Variants in COL4A6 observed in about 807,000 individuals in gnomAD.
The protein encoded by COL4A6 is collagen type IV alpha 6 chain.
A neutral mutation model predicts 126.7 loss-of-function variants in COL4A6; 59 were observed. The observed-to-expected ratio is 0.47, with a 90% CI of 0.38 to 0.58. The LOEUF (loss-of-function observed/expected upper bound fraction) is 0.58. COL4A6 is among the 20% of genes least tolerant of loss of function. The pLI is 0.00. For missense variants in COL4A6, 1,285 were observed against 1,337.3 expected, an observed-to-expected ratio of 0.96 and a Z score of 0.61; for synonymous variants, 547 against 496.6, an observed-to-expected ratio of 1.10 and a Z score of -1.35.
At chrX:108,359,365 GTTTTT>G (rs2040030590) in intron 2 of COL4A6, among the ~76,000 whole-genome samples, 7 of 112,607 alleles carry the variant, frequency 6.2e-5, no homozygotes, top group Middle Eastern at 4.2e-3. Flanking sequence ...CAAAGTCCTT[GTTTTT>G]AATCATTCTG....
rs183476493 is a variant in COL4A6, at chrX:108,257,869, C to T, written c.145-36495G>A. The stretch of plus-strand genomic sequence containing the variant: ...TTGAATGATTTGAGGTTAAGAGTAA[C>T]GCGTGGGTAATGAGGTAAAGAAGGA... On this transcript the variant is annotated intron_variant, in intron 3 of 44. Transcript: ENST00000334504. Among the ~76,000 whole-genome samples the T allele has an allele frequency of 2.1e-4, 23 of 111,372 alleles. No homozygotes were observed. In the East Asian group the frequency reaches 3.1e-3, roughly 15 times the overall value.
At chrX:108,188,929 C>T (rs2034955338) in intron 20 of COL4A6, among the ~76,000 whole-genome samples, 1 of 111,893 alleles carries the variant, frequency 8.9e-6, no homozygotes, top group Non-Finnish European at 1.9e-5. Context: ...AACCACTGAC[C>T]TCTACTAACC....
intron 23 of COL4A6, among the ~76,000 whole-genome samples, chrX:108,183,013 C>T (rs1455082701): frequency 8.9e-6 from 1 of 112,155 alleles, no homozygotes; most frequent in Non-Finnish European, 1.9e-5. Flanking sequence ...AGGAAATCAA[C>T]GACATATTTC....
intron 3 of COL4A6, among the ~76,000 whole-genome samples, chrX:108,236,472 T>C (rs751683236): frequency 3.6e-5 from 4 of 111,801 alleles, no homozygotes; most frequent in Non-Finnish European, 7.5e-5. Flanking sequence ...CAGTGAGCAC[T>C]GCCAGGTAGC....
At chrX:108,260,084 G>A (rs1167346747) in intron 3 of COL4A6, among the ~76,000 whole-genome samples, 1 of 109,605 alleles carries the variant, frequency 9.1e-6, no homozygotes, top group African/African-American at 3.3e-5. Flanking sequence ...GATAAGAAAT[G>A]CTTATAATTA....
At chrX:108,411,881 A>G (rs2041338072) in intron 2 of COL4A6, among the ~76,000 whole-genome samples, 1 of 110,777 alleles carries the variant, frequency 9.0e-6, no homozygotes, top group Non-Finnish European at 1.9e-5. Context: ...TGCTGTTTGA[A>G]GGGAGGGGTT....
rs1025335610 is a variant in COL4A6 at position 108,425,550 on chromosome X, A to C, written c.63+12392T>G. Among the ~76,000 whole-genome samples, 3 of 109,896 alleles carry C rather than the reference A, an allele frequency of 2.7e-5. No individual in the cohort carries two copies. The Admixed American group carries it at 2.9e-4, about 11-fold the overall frequency. The stretch of plus-strand genomic sequence containing the variant: ...GAGATCGAGACCATCCTGGCTAACA[A>C]GGTGAAACCCTGTCTCTACTAAAAA... On this transcript the variant is annotated intron_variant, in intron 2 of 44. Transcript: ENST00000334504.
intron 3 of COL4A6, among the ~76,000 whole-genome samples, chrX:108,279,782 T>G (rs1012704039): frequency 9.0e-6 from 1 of 111,701 alleles, no homozygotes; most frequent in African/African-American, 3.3e-5. Flanking sequence ...TCAGAAATTA[T>G]AACAAACTAT....
rs768893279 is a variant in COL4A6 at position 108,424,956 on chromosome X, G to A, written c.63+12986C>T. 1.3e-4 allele frequency among the ~76,000 whole-genome samples: 14 copies of A among 110,953 alleles called. No individual in the cohort carries two copies. The East Asian group carries it at 3.1e-3, about 25-fold the overall frequency. On this transcript the variant is annotated intron_variant, in intron 2 of 44. Coordinates refer to ENST00000334504, the MANE Select transcript of COL4A6 (RefSeq NM_033641.4). ...GAGCTGGGGAGGTTGAGGTTACAAT[G>A]AGTGGTGATCACACCACTGCACTCC... is the stretch of plus-strand genomic sequence containing the variant.
chrX:108,328,507 A>G (rs1039228101), intron 2 of COL4A6, among the ~76,000 whole-genome samples: 1 of 111,501 alleles, frequency 9.0e-6, no homozygotes, highest in Admixed American at 9.6e-5. Context: ...ACCAGCACCA[A>G]CCAATACCAA....
intron 16 of COL4A6, 81 bp from the exon 17 acceptor site, chrX:108,193,778 T>G (rs2035130675): frequency 2.4e-6 from 2 of 821,263 alleles, no homozygotes; most frequent in Non-Finnish European, 3.6e-6. Flanking sequence ...AGCCCATCCC[T>G]AGGAAAATGA....
intron 2 of COL4A6, among the ~76,000 whole-genome samples, chrX:108,407,438 A>AGGTAATTAGG (rs2041228702): frequency 8.9e-6 from 1 of 112,562 alleles, no homozygotes; most frequent in Non-Finnish European, 1.9e-5. Flanking sequence ...TTAAATGGAA[A>AGGTAATTAGG]GGTAATTAGG....
At chrX:108,395,869 G>A (rs2040952256) in intron 2 of COL4A6, among the ~76,000 whole-genome samples, 1 of 111,420 alleles carries the variant, frequency 9.0e-6, no homozygotes, top group Non-Finnish European at 1.9e-5. Flanking sequence ...GTTTTATGAC[G>A]AATCAGAACA....
At chrX:108,342,769 A>G (rs1254480884) in intron 2 of COL4A6, among the ~76,000 whole-genome samples, 1 of 111,366 alleles carries the variant, frequency 9.0e-6, no homozygotes, top group Non-Finnish European at 1.9e-5. Flanking sequence ...TATTTATTGA[A>G]TGAAACTTTG....
At chrX:108,238,110 G>GT (rs199841736) in intron 3 of COL4A6, among the ~76,000 whole-genome samples, 16 of 100,727 alleles carry the variant, frequency 1.6e-4, no homozygotes, top group Admixed American at 6.5e-4. Context: ...GTGTGTGTGT[G>GT]TGTTTTTTTT....
intron 17 of COL4A6, among the ~76,000 whole-genome samples, chrX:108,193,087 C>T (rs772893446): frequency 1.8e-5 from 2 of 111,822 alleles, no homozygotes; most frequent in South Asian, 3.8e-4. Context: ...AGATACTGGG[C>T]ATCTCAGTCT....
chrX:108,345,597 G>A (rs910903985), intron 2 of COL4A6, among the ~76,000 whole-genome samples: 45 of 111,347 alleles, frequency 4.0e-4, no homozygotes, highest in African/African-American at 4.2e-4. Flanking sequence ...TGCAAATTAC[G>A]CGCATTTAAT....
chrX:108,208,545 C>A (rs1033622076), intron 8 of COL4A6, among the ~76,000 whole-genome samples: 1 of 112,175 alleles, frequency 8.9e-6, no homozygotes, highest in African/African-American at 3.2e-5. Flanking sequence ...TGGAAAGTTA[C>A]TAAATATTTG....
At chrX:108,353,818 T>C (rs1042384435) in intron 2 of COL4A6, among the ~76,000 whole-genome samples, 6 of 112,327 alleles carry the variant, frequency 5.3e-5, no homozygotes, top group African/African-American at 1.6e-4. Context: ...AGGGTTTGAT[T>C]TTATTCAACT....
Sources: allele counts gnomAD v4.1 joint callset (sites outside exome capture counted in the v4.1 genomes callset), GRCh38; gene constraint gnomAD v4.1.1; transcripts MANE v1.5; gene names NCBI Gene and HGNC (gene_info 2026-07-23, HGNC 2026-07-21).